The following FAM83B variants were observed in gnomAD, a reference collection of about 807,000 sequenced individuals.
FAM83B encodes the protein scaffolding CK1 anchoring protein B.
Under a neutral mutation model 38.8 loss-of-function variants are expected in FAM83B, and 26 were observed. The observed-to-expected ratio is 0.67, with a 90% CI of 0.49 to 0.93. The LOEUF (loss-of-function observed/expected upper bound fraction) is 0.93. Ranked by LOEUF, FAM83B falls within the 40% of genes least tolerant of loss-of-function variation. The pLI is 0.00. For missense variants in FAM83B, 1,237 were observed against 1,197.3 expected (o/e 1.03, Z -0.49); for synonymous variants, 419 against 423.1 (o/e 0.99, Z 0.12).
chr6:54,936,974 T>A (rs2127590803), intron 4 of FAM83B, among the ~76,000 whole-genome samples: 1 of 147,760 alleles, frequency 6.8e-6, no homozygotes, highest in Non-Finnish European at 1.5e-5. Flanking sequence ...CTAGATAAAA[T>A]TAAGCATATC....
intron 1 of FAM83B, among the ~76,000 whole-genome samples, chr6:54,848,218 C>G (rs934413237): frequency 6.6e-6 from 1 of 152,140 alleles, no homozygotes; most frequent in Admixed American, 6.5e-5. Flanking sequence ...TTCTCTCTGT[C>G]TTCCTATAGT....
chr6:54,852,511 C>T (rs1771328990), intron 1 of FAM83B, among the ~76,000 whole-genome samples: 1 of 152,166 alleles, frequency 6.6e-6, no homozygotes, highest in Non-Finnish European at 1.5e-5. Flanking sequence ...CTGTGCCTTT[C>T]CCACTCCTTG....
At chr6:54,928,358 G>C (rs9475070) in intron 4 of FAM83B, among the ~76,000 whole-genome samples, 8,233 of 152,204 alleles carry the variant, frequency 0.054, 755 homozygotes, top group African/African-American at 0.19. Context: ...TGAGAAGGAG[G>C]TATCACATTG....
intron 2 of FAM83B, among the ~76,000 whole-genome samples, chr6:54,918,543 A>C (rs1009661036): frequency 6.6e-6 from 1 of 152,122 alleles, no homozygotes; most frequent in East Asian, 1.9e-4. Context: ...CAACTAGGAG[A>C]AGTGTAGAGT....
intron 2 of FAM83B, among the ~76,000 whole-genome samples, chr6:54,916,842 T>C (rs1012131470): frequency 6.6e-6 from 1 of 152,240 alleles, no homozygotes; most frequent in Non-Finnish European, 1.5e-5. Context: ...TACTGAAATA[T>C]CTACTTTTAT....
Position 54,945,099 on chromosome 6 carries a change from A to C in FAM83B, c.*3092A>C, listed in dbSNP as rs1394112738. 6.6e-6 allele frequency: 1 copy of C among 152,174 alleles called. No homozygotes were observed. The highest frequency in any genetic ancestry group is 1.5e-5 in the Non-Finnish European group (1 of 68,028). The allele number at this position is 152,174 out of a possible 1,614,324, so 9.4% of individuals were successfully genotyped here. A position where few individuals can be genotyped will look rare whatever the true frequency, so the allele number is the denominator to read the frequency against. ...AATAAATAATTTTGTACAAACATCAATATATTGTAAGCTATTGTTTTTTTA... is the reference window on the plus strand; with the variant it reads ...AATAAATAATTTTGTACAAACATCACTATATTGTAAGCTATTGTTTTTTTA... On this transcript the variant is annotated 3_prime_UTR_variant, in exon 5 of 5. Coordinates refer to ENST00000306858, the MANE Select transcript of FAM83B (RefSeq NM_001010872.3).
chr6:54,875,253 G>T (rs1771963189), intron 2 of FAM83B, among the ~76,000 whole-genome samples: 3 of 152,144 alleles, frequency 2.0e-5, no homozygotes, highest in Non-Finnish European at 4.4e-5. Context: ...GTTCGTGATA[G>T]AAATGATTTT....
At chr6:54,905,790 C>A (rs949777649) in intron 2 of FAM83B, among the ~76,000 whole-genome samples, 1 of 144,258 alleles carries the variant, frequency 6.9e-6, no homozygotes, top group Non-Finnish European at 1.5e-5. Context: ...GCCATAGGAT[C>A]ATAATCTTTT....
At chr6:54,866,171 A>G (rs73437784) in intron 1 of FAM83B, among the ~76,000 whole-genome samples, 14,765 of 150,516 alleles carry the variant, frequency 0.098, 830 homozygotes, top group African/African-American at 0.15. Context: ...ATTTGACCCT[A>G]CAGATGAACT....
Position 54,943,475 on chromosome 6 carries a change from T to G in FAM83B, c.*1468T>G, listed in dbSNP as rs1195698438. On this transcript the variant is annotated 3_prime_UTR_variant, in exon 5 of 5. Transcript: ENST00000306858. The stretch of plus-strand genomic sequence containing the variant: ...CACTTTAAATATATTACTTAATATA[T>G]TCTAAGTTGCTGTGTGGAGCAGTAT... The G allele has an allele frequency of 6.6e-6, 1 of 152,182 alleles. No individual in the cohort carries two copies. Among genetic ancestry groups the G allele is most frequent in the Non-Finnish European group, 1.5e-5 (1 of 68,034 alleles). 9.4% of individuals were successfully genotyped at this position (152,182 alleles called of 1,614,324 possible). A position where few individuals can be genotyped will look rare whatever the true frequency, so the allele number is the denominator to read the frequency against.
chr6:54,899,856 G>T (rs1001712504), intron 2 of FAM83B, among the ~76,000 whole-genome samples: 11 of 152,086 alleles, frequency 7.2e-5, no homozygotes, highest in Non-Finnish European at 1.0e-4. Context: ...ACTGAATGTT[G>T]TTCACATGTT....
chr6:54,897,123 CCT>C (rs1242813148), intron 2 of FAM83B, among the ~76,000 whole-genome samples: 3 of 151,898 alleles, frequency 2.0e-5, no homozygotes, highest in African/African-American at 7.3e-5. Flanking sequence ...CTTCCCTTGT[CCT>C]CTCTCTGAGA....
chr6:54,861,526 A>G (rs1196277679), intron 1 of FAM83B, among the ~76,000 whole-genome samples: 1 of 152,198 alleles, frequency 6.6e-6, no homozygotes, highest in Non-Finnish European at 1.5e-5. Context: ...CACTGCTGAC[A>G]GAGGAAGACC....
chr6:54,850,760 C>T (rs1010380775), intron 1 of FAM83B, among the ~76,000 whole-genome samples: 6 of 152,104 alleles, frequency 3.9e-5, no homozygotes, highest in South Asian at 2.1e-4. Context: ...GTGGCTCACA[C>T]GTGTAATCCC....
intron 2 of FAM83B, among the ~76,000 whole-genome samples, chr6:54,904,620 C>G (rs1772736112): frequency 6.6e-6 from 1 of 152,310 alleles, no homozygotes; most frequent in Middle Eastern, 3.4e-3. Context: ...CATTACTATT[C>G]ATTCCATGGG....
intron 3 of FAM83B, 105 bp downstream of exon 3, chr6:54,926,640 A>G (rs975648666): frequency 1.3e-5 from 11 of 818,034 alleles, no homozygotes; most frequent in Non-Finnish European, 2.0e-5. Context: ...GAAAAACAAA[A>G]AAAAATACGT....
chr6:54,915,532 C>T lies in FAM83B; in HGVS notation c.445-10839C>T, dbSNP rs1295959013. On this transcript the variant is annotated intron_variant, in intron 2 of 4. Transcript: ENST00000306858. ...GTAGAAACTCACATTTCTGGCCGGGCGCGGTGGCTCACGCCTGTAATCCCA... is the reference window on the plus strand; with the variant it reads ...GTAGAAACTCACATTTCTGGCCGGGTGCGGTGGCTCACGCCTGTAATCCCA... Among the ~76,000 whole-genome samples the T allele has an allele frequency of 2.1e-5, 3 of 139,870 alleles. 1 individual carries two copies. Among genetic ancestry groups the T allele is most frequent in the Non-Finnish European group, 4.6e-5 (3 of 65,822 alleles). The allele number at this position is 139,870 out of a possible 152,430, so 91.8% of individuals were successfully genotyped here.
rs554350169 is a variant in FAM83B, at chr6:54,862,344, G to A, written c.-60-7843G>A. Among the ~76,000 whole-genome samples, 13 of 152,288 alleles carry A rather than the reference G, an allele frequency of 8.5e-5. No individual in the cohort carries two copies. In the South Asian group the frequency reaches 2.7e-3, roughly 32 times the overall value. On this transcript the variant is annotated intron_variant, in intron 1 of 4. Coordinates refer to ENST00000306858, the MANE Select transcript of FAM83B (RefSeq NM_001010872.3). ...GAACAAAAGGAGAAGGTGTAGTCCA[G>A]CCTTTGAGCAGCATCAGGGTATAGT...
intron 4 of FAM83B, among the ~76,000 whole-genome samples, chr6:54,930,408 A>G (rs991934027): frequency 6.6e-6 from 1 of 152,156 alleles, no homozygotes; most frequent in Admixed American, 6.6e-5. Context: ...AATTGGAAGC[A>G]CACCTGGGGG....
Sources: gnomAD v4.1 joint callset for allele counts (sites outside exome capture counted in the v4.1 genomes callset) on GRCh38, gnomAD v4.1.1 for gene constraint, MANE v1.5 for transcripts, NCBI Gene and HGNC (gene_info 2026-07-23, HGNC 2026-07-21) for gene names.